The following MPP1 variants were observed in gnomAD, a reference collection of about 807,000 sequenced individuals.
MPP1 encodes 55 kDa erythrocyte membrane protein.
A neutral mutation model predicts 38.2 loss-of-function variants in MPP1; 6 were observed. The ratio of observed to expected loss-of-function variants is 0.16; its 90% CI spans 0.09 to 0.31. The LOEUF is 0.31. MPP1 is among the 10% of genes least tolerant of loss of function. MPP1 has a pLI of 1.00. For missense variants in MPP1, 293 were observed against 368.9 expected (o/e 0.79, Z 1.69); for synonymous variants, 153 against 146.3 (o/e 1.05, Z -0.33).
chrX:154,780,945 A>G (rs782521001), intron 11 of MPP1, among the ~76,000 whole-genome samples: 19 of 111,702 alleles, frequency 1.7e-4, no homozygotes, highest in Non-Finnish European at 3.0e-4. Flanking sequence ...CCTGCATCCC[A>G]CCAGTATCAG....
intron 11 of MPP1, among the ~76,000 whole-genome samples, chrX:154,779,949 C>T (rs1463382299): frequency 8.9e-6 from 1 of 112,686 alleles, no homozygotes; most frequent in Non-Finnish European, 1.9e-5. Flanking sequence ...GAACTTTAGA[C>T]CTCAGGTGAT....
At chrX:154,785,185 A>G (rs781897074) in intron 6 of MPP1, 28 bp from the exon 7 acceptor site, 6 of 1,095,795 alleles carry the variant, frequency 5.5e-6, no homozygotes, top group Middle Eastern at 2.9e-4. Context: ...TCAAGGGGTC[A>G]GCTTTCCTCC....
rs781889992 is a variant in MPP1, at chrX:154,781,317, GAAA to G, written c.1150-7_1150-5del. The G allele has an allele frequency of 4.7e-6, 4 of 842,466 alleles. No individual in the cohort carries two copies. The highest frequency in any genetic ancestry group is 7.5e-5 in the Admixed American group (2 of 26,547). 69.4% of individuals were successfully genotyped at this position (842,466 alleles called of 1,213,427 possible). On this transcript the variant is annotated splice_polypyrimidine_tract_variant and splice_region_variant and intron_variant, in intron 10 of 11. Coordinates refer to ENST00000369534, the MANE Select transcript of MPP1 (RefSeq NM_002436.4). ...CTGTCCGAACAATTTTCAGGGTCTA[GAAA>G]AAAAAAAGAAGGGCGGCGGGGAGGG...
intron 5 of MPP1, among the ~76,000 whole-genome samples, chrX:154,786,766 T>G (rs782422317): frequency 1.7e-4 from 18 of 108,108 alleles, no homozygotes; most frequent in Middle Eastern, 4.7e-3. Flanking sequence ...TGTGGTGGCG[T>G]GCACCTGTAG....
At chrX:154,786,667 G>A (rs1603430016) in intron 5 of MPP1, among the ~76,000 whole-genome samples, 1 of 110,568 alleles carries the variant, frequency 9.0e-6, no homozygotes, top group Non-Finnish European at 1.9e-5. Context: ...AGGCCGAGGC[G>A]GGTGGAACAC....
At chrX:154,781,000 C>A (rs1345478990) in intron 11 of MPP1, among the ~76,000 whole-genome samples, 2 of 112,244 alleles carry the variant, frequency 1.8e-5, no homozygotes, top group Non-Finnish European at 3.8e-5. Flanking sequence ...TGTGTGCCTC[C>A]AGGACGATGA....
intron 1 of MPP1, among the ~76,000 whole-genome samples, chrX:154,801,216 C>G (rs1384030955): frequency 8.9e-6 from 1 of 112,201 alleles, no homozygotes; most frequent in Non-Finnish European, 1.9e-5. Context: ...CGAGGTATTA[C>G]TTTTTACAAC....
At chrX:154,782,763 G>A (rs1321566263) in intron 9 of MPP1, 3 of 112,205 alleles carry the variant, frequency 2.7e-5, no homozygotes, top group African/African-American at 9.7e-5. Context: ...TCATTTCATT[G>A]TATTGTTGAT....
At chrX:154,788,153 T>C (rs2072100281) in intron 5 of MPP1, among the ~76,000 whole-genome samples, 1 of 112,208 alleles carries the variant, frequency 8.9e-6, no homozygotes, top group Non-Finnish European at 1.9e-5. Flanking sequence ...TAAAAACTTT[T>C]AAAACAAGAC....
intron 5 of MPP1, 112 bp from the exon 6 acceptor site, chrX:154,786,512 T>TAAGA (rs1385384224): frequency 8.8e-6 from 6 of 683,602 alleles, no homozygotes; most frequent in Non-Finnish European, 1.3e-5. Context: ...AACAGGGAGG[T>TAAGA]AAGAATGGTG....
At chrX:154,802,743 A>T (rs1197254648) in intron 1 of MPP1, among the ~76,000 whole-genome samples, 1 of 112,356 alleles carries the variant, frequency 8.9e-6, no homozygotes, top group Non-Finnish European at 1.9e-5. Flanking sequence ...GATAGGCTAC[A>T]TTCAAACCTA....
intron 6 of MPP1, among the ~76,000 whole-genome samples, chrX:154,785,942 G>A (rs1449514328): frequency 1.8e-5 from 2 of 112,174 alleles, no homozygotes; most frequent in East Asian, 2.8e-4. Flanking sequence ...GCACTGTCAC[G>A]TGCTTGGTAA....
rs1452866864 is a variant in MPP1 at position 154,781,324 on chromosome X, AAAAGAAGGGCGGCGGGGAGGGGG to A, written c.1150-34_1150-12del. The A allele has an allele frequency of 8.6e-7, 1 of 1,161,865 alleles. No homozygotes were observed. Among genetic ancestry groups the A allele is most frequent in the African/African-American group, 1.9e-5 (1 of 51,614 alleles). ...AACAATTTTCAGGGTCTAGAAAAAA[AAAAGAAGGGCGGCGGGGAGGGGG>A]GGGAAGGAAGAAAAGGAAAGTGAAA... is the stretch of plus-strand genomic sequence containing the variant. On this transcript the variant is annotated splice_polypyrimidine_tract_variant and intron_variant, in intron 10 of 11. Transcript: ENST00000369534.
chrX:154,796,146 T>TTCTTTTG (rs1557268138), intron 1 of MPP1, among the ~76,000 whole-genome samples: 1 of 109,240 alleles, frequency 9.2e-6, no homozygotes. Context: ...TTTTTCTTTT[T>TTCTTTTG]TTGAGAAAGA....
intron 1 of MPP1, among the ~76,000 whole-genome samples, chrX:154,799,256 T>C (rs782047032): frequency 8.9e-6 from 1 of 112,020 alleles, no homozygotes; most frequent in East Asian, 2.8e-4. Context: ...AAGTTGCAAA[T>C]GATGACTAAG....
Position 154,782,153 on chromosome X carries a change from T to C in MPP1, c.947-351A>G, listed in dbSNP as rs1161461534. 3.3e-5 allele frequency: 6 copies of C among 181,281 alleles called. No individual in the cohort carries two copies. In the East Asian group the frequency reaches 5.6e-4, roughly 17 times the overall value. The allele number at this position is 181,281 out of a possible 1,213,427, so 14.9% of individuals were successfully genotyped here. The stretch of plus-strand genomic sequence containing the variant: ...ATTTTAAAAACAGATCTACAGACTA[T>C]GGTCAGGATTTCTTGGAAATATATT... On this transcript the variant is annotated intron_variant, in intron 9 of 11. Coordinates refer to ENST00000369534, the MANE Select transcript of MPP1 (RefSeq NM_002436.4).
At chrX:154,792,027 T>C (rs1557267802) in intron 2 of MPP1, 115 bp downstream of exon 2, 11 of 1,076,533 alleles carry the variant, frequency 1.0e-5, no homozygotes, top group Non-Finnish European at 1.3e-5. Context: ...GAAAAGACAA[T>C]TTTGGGGTTG....
rs782702478 is a variant in MPP1 at position 154,792,271 on chromosome X, T to C, written c.117A>G (p.Pro39=). The part of the protein sequence containing the change: ...KRSRPEAVSH[P]LNTVTEDMYT... ...ACATGTCCTCGGTCACAGTATTCAA[T>C]GGATGCGATACAGCCTGCCAAGCCA... Residue 39 remains proline (P), a synonymous_variant, in exon 2 of 12, where the codon CCA becomes CCG. Transcript: ENST00000369534. The C allele has an allele frequency of 3.3e-6, 4 of 1,205,684 alleles. No individual in the cohort carries two copies. The highest frequency in any genetic ancestry group is 4.5e-6 in the Non-Finnish European group (4 of 892,024).
rs2072036233 is a variant in MPP1 at position 154,783,692 on chromosome X, G to A, written c.866-185C>T. On this transcript the variant is annotated intron_variant, in intron 8 of 11. Coordinates refer to ENST00000369534, the MANE Select transcript of MPP1 (RefSeq NM_002436.4). ...CGCCAGAGGCAAAGCCTACATACCT[G>A]GGTTTGAAGCAAGGACTTACTCTGT... is the stretch of plus-strand genomic sequence containing the variant. 9.1e-6 allele frequency: 4 copies of A among 437,261 alleles called. No homozygotes were observed. The South Asian group carries it at 1.4e-4, about 15-fold the overall frequency. The allele number at this position is 437,261 out of a possible 1,213,427, so 36.0% of individuals were successfully genotyped here.
Sources: gnomAD v4.1 joint callset for allele counts (sites outside exome capture counted in the v4.1 genomes callset) on GRCh38, gnomAD v4.1.1 for gene constraint, MANE v1.5 for transcripts, NCBI Gene and HGNC (gene_info 2026-07-23, HGNC 2026-07-21) for gene names.